NDST1: variants seen among roughly 807,000 people sequenced by gnomAD.
NDST1 encodes bifunctional heparan sulfate N-deacetylase/N-sulfotransferase 1.
NDST1 carries 35 observed loss-of-function variants against 92.8 expected under a neutral mutation model. The ratio of observed to expected loss-of-function variants is 0.38; its 90% confidence interval spans 0.29 to 0.50. The LOEUF (loss-of-function observed/expected upper bound fraction) is 0.50, where lower values mean the gene tolerates loss of function less well. Ranked by LOEUF, NDST1 falls within the 20% of genes least tolerant of loss-of-function variation. NDST1 has a pLI of 0.94. For synonymous variants in NDST1, 493 were observed against 500.3 expected, an observed-to-expected ratio of 0.99 and a Z score of 0.19; for missense variants, 822 against 1,182.7, an observed-to-expected ratio of 0.69 and a Z score of 4.47.
rs979194867 is a variant in NDST1, at chr5:150,535,893, G to A, written c.1437+8G>A. ...ATCCACAATGGCATCATGGTGAGTG[G>A]GCCCCTGGAAGCCCAGGAGGTGGGA... On this transcript the variant is annotated splice_region_variant and intron_variant, in intron 6 of 14. Transcript: ENST00000261797. 3.7e-6 allele frequency: 6 copies of A among 1,612,432 alleles called. No homozygotes were observed. The South Asian group carries it at 6.6e-5, about 18-fold the overall frequency.
chr5:150,524,065 A>G (rs1294107714), intron 2 of NDST1, among the ~76,000 whole-genome samples: 2 of 152,200 alleles, frequency 1.3e-5, no homozygotes, highest in Admixed American at 1.3e-4. Context: ...TCCAGTTCCC[A>G]CTGATGCTGG....
chr5:150,533,050 T>C lies in NDST1; in HGVS notation c.1096+18T>C. The C allele has an allele frequency of 6.2e-7, 1 of 1,609,904 alleles. No individual in the cohort carries two copies. Among genetic ancestry groups the C allele is most frequent in the Middle Eastern group, 1.7e-4 (1 of 6,046 alleles). On this transcript the variant is annotated intron_variant, in intron 4 of 14. Coordinates refer to ENST00000261797, the MANE Select transcript of NDST1 (RefSeq NM_001543.5). ...CCACACAGGTAAGTGGGCCTGCCCC[T>C]GCCCTCACTAGCAACTTCCAGGACT...
rs911422444 is a variant in NDST1, at chr5:150,515,721, G to C, written c.-387-5147G>C. 7.9e-5 allele frequency among the ~76,000 whole-genome samples: 12 copies of C among 152,228 alleles called. No individual in the cohort carries two copies. The South Asian group carries it at 2.3e-3, about 29-fold the overall frequency. On this transcript the variant is annotated intron_variant, in intron 1 of 14. Coordinates refer to ENST00000261797, the MANE Select transcript of NDST1 (RefSeq NM_001543.5). Reference sequence around the variant, plus strand: ...CTGCAAGGCCCAGCAGGCCCAGGGTGGTGGGGGTCATTGAGGCCTCAGCCC... The same window carrying C: ...CTGCAAGGCCCAGCAGGCCCAGGGTCGTGGGGGTCATTGAGGCCTCAGCCC...
chr5:150,546,125 G>C (rs543392510), intron 11 of NDST1, among the ~76,000 whole-genome samples: 1 of 150,156 alleles, frequency 6.7e-6, no homozygotes, highest in East Asian at 2.0e-4. Context: ...AGCCTCCCAA[G>C]TAGCTGGTAT....
At chr5:150,523,415 G>A (rs1417521813) in intron 2 of NDST1, among the ~76,000 whole-genome samples, 4 of 152,220 alleles carry the variant, frequency 2.6e-5, no homozygotes, top group East Asian at 1.9e-4. Flanking sequence ...GCCATGCACC[G>A]TCTACATGCG....
At chr5:150,539,549 T>C (rs1755149932) in intron 7 of NDST1, 193 bp downstream of exon 7, 2 of 1,440,920 alleles carry the variant, frequency 1.4e-6, no homozygotes, top group Non-Finnish European at 1.8e-6. Context: ...GAGCATGCTT[T>C]TTTTTTCCTT....
chr5:150,501,510 G>A (rs1021632113), intron 1 of NDST1, among the ~76,000 whole-genome samples: 26 of 152,210 alleles, frequency 1.7e-4, no homozygotes, highest in African/African-American at 6.0e-4. Flanking sequence ...GAACTGGCCA[G>A]GCGAAAACCC....
At position 150,557,796 on chromosome 5, in the gene NDST1, G is replaced by A. The variant is rs1308823386; in HGVS notation, c.*4464G>A. Reference sequence around the variant, plus strand: ...CCCTAAGGGACTGGCATAGGGTTTTGTGGGGTCAATGCCAGGAACCTGGGG... The same window carrying A: ...CCCTAAGGGACTGGCATAGGGTTTTATGGGGTCAATGCCAGGAACCTGGGG... On this transcript the variant is annotated 3_prime_UTR_variant, in exon 15 of 15. Transcript: ENST00000261797. The surrounding 1 kb of genome is among the most constrained non-coding windows in gnomAD (Gnocchi z 4.7). 6.5e-6 allele frequency: 1 copy of A among 152,672 alleles called. No homozygotes were observed. Among genetic ancestry groups the A allele is most frequent in the Non-Finnish European group, 1.5e-5 (1 of 68,086 alleles). 9.5% of individuals were successfully genotyped at this position (152,672 alleles called of 1,614,324 possible).
intron 1 of NDST1, among the ~76,000 whole-genome samples, chr5:150,517,851 C>T (rs1341195747): frequency 6.6e-6 from 1 of 152,250 alleles, no homozygotes; most frequent in African/African-American, 2.4e-5. Context: ...GGTGGCTGCT[C>T]TCCTCCGCTT....
chr5:150,506,436 G>C (rs1298135149), upstream of NDST1, among the ~76,000 whole-genome samples: 1 of 152,100 alleles, frequency 6.6e-6, no homozygotes, highest in East Asian at 1.9e-4. Flanking sequence ...CTTCTAAAAG[G>C]CTCCTCGCGG....
At chr5:150,549,840 G>A (rs1408298805) in intron 13 of NDST1, 53 bp downstream of exon 13, 2 of 1,040,454 alleles carry the variant, frequency 1.9e-6, no homozygotes, top group Admixed American at 1.8e-5. Flanking sequence ...AGGCACCTGG[G>A]CCAACAAAGC....
rs1755835945 is a variant in NDST1 at position 150,554,723 on chromosome 5, C to CT, written c.*1392dup. The stretch of plus-strand genomic sequence containing the variant: ...GGGGTCAAAAGCTGCCCCACCCACT[C>CT]TCCCTCACATGGTGCTAGGCTGGGA... On this transcript the variant is annotated 3_prime_UTR_variant, in exon 15 of 15. Coordinates refer to ENST00000261797, the MANE Select transcript of NDST1 (RefSeq NM_001543.5). 1 of 152,828 alleles carries CT rather than the reference C, an allele frequency of 6.5e-6. No individual in the cohort carries two copies. The highest frequency in any genetic ancestry group is 1.5e-5 in the Non-Finnish European group (1 of 68,192). 9.5% of individuals were successfully genotyped at this position (152,828 alleles called of 1,614,324 possible). A position where few individuals can be genotyped will look rare whatever the true frequency, so the allele number is the denominator to read the frequency against.
At chr5:150,546,922 G>A (rs976881213) in intron 11 of NDST1, among the ~76,000 whole-genome samples, 3 of 152,210 alleles carry the variant, frequency 2.0e-5, no homozygotes, top group Non-Finnish European at 2.9e-5. Flanking sequence ...GTTTTCTGCC[G>A]TGCTGTGTGC....
chr5:150,508,057 G>A (rs1380282112), upstream of NDST1: 1 of 152,332 alleles, frequency 6.6e-6, no homozygotes, highest in African/African-American at 2.4e-5. Context: ...GTGCTCTAGG[G>A]CCACCTCCCT....
intron 4 of NDST1, 125 bp downstream of exon 4, chr5:150,533,157 C>A: frequency 7.6e-6 from 7 of 927,046 alleles, no homozygotes; most frequent in Non-Finnish European, 1.2e-5. Context: ...CAGAGGTGAC[C>A]CCTCTGCCCC....
At position 150,532,802 on chromosome 5, in the gene NDST1, C is replaced by T. The variant is rs148616291; in HGVS notation, c.1009-143C>T. The T allele has an allele frequency of 1.9e-3, 1,538 of 816,128 alleles. 22 individuals carry two copies. The African/African-American group carries it at 0.022, about 12-fold the overall frequency. The allele number at this position is 816,128 out of a possible 1,614,324, so 50.6% of individuals were successfully genotyped here. ...TCAGCTTCCCAAACTGCTGGGATTACAGGCATGAGCCACCACGCCGTCCTT... is the reference window on the plus strand; with the variant it reads ...TCAGCTTCCCAAACTGCTGGGATTATAGGCATGAGCCACCACGCCGTCCTT... On this transcript the variant is annotated intron_variant, in intron 3 of 14. Transcript: ENST00000261797.
intron 11 of NDST1, among the ~76,000 whole-genome samples, chr5:150,545,761 C>T (rs963880485): frequency 1.3e-5 from 2 of 152,214 alleles, no homozygotes; most frequent in Non-Finnish European, 2.9e-5. Flanking sequence ...AGGCTGGTTA[C>T]GCCTAGAGGA....
chr5:150,539,716 A>T lies in NDST1; in HGVS notation c.1566+360A>T, dbSNP rs1581397174. 1.2e-5 allele frequency: 12 copies of T among 985,020 alleles called. No homozygotes were observed. The South Asian group carries it at 5.2e-4, about 42-fold the overall frequency. 61.0% of individuals were successfully genotyped at this position (985,020 alleles called of 1,614,324 possible). A position where few individuals can be genotyped will look rare whatever the true frequency, so the allele number is the denominator to read the frequency against. On this transcript the variant is annotated intron_variant, in intron 7 of 14. Coordinates refer to ENST00000261797, the MANE Select transcript of NDST1 (RefSeq NM_001543.5). Reference sequence around the variant, plus strand: ...TCGCTTTCCTTATTTGTAAAATGCAAACAATTACCTCTGCTTTAATAATAT... The same window carrying T: ...TCGCTTTCCTTATTTGTAAAATGCATACAATTACCTCTGCTTTAATAATAT...
Position 150,535,032 on chromosome 5 carries a change from T to G in NDST1, c.1251+11T>G. 6.2e-7 allele frequency: 1 copy of G among 1,613,012 alleles called. No homozygotes were observed. ...AAGAAGTTCGCTGTCGTGAGTAAGATTCCTTGCAGGGCAGAGCGGGGCGGG... is the reference window on the plus strand; with the variant it reads ...AAGAAGTTCGCTGTCGTGAGTAAGAGTCCTTGCAGGGCAGAGCGGGGCGGG... On this transcript the variant is annotated intron_variant, in intron 5 of 14. Transcript: ENST00000261797.
Sources: allele counts gnomAD v4.1 joint callset (sites outside exome capture counted in the v4.1 genomes callset), GRCh38; gene constraint gnomAD v4.1.1; non-coding constraint Gnocchi (gnomAD v3.1); transcripts MANE v1.5; gene names NCBI Gene and HGNC (gene_info 2026-07-23, HGNC 2026-07-21).